Variants in KIF6 observed in about 807,000 individuals in gnomAD.
The protein encoded by KIF6 is kinesin-like protein KIF6.
A neutral mutation model predicts 112.7 loss-of-function variants in KIF6; 106 were observed. The observed-to-expected ratio is 0.94, with a 90% CI of 0.80 to 1.11. The LOEUF is 1.11. Among genes scored for constraint, KIF6 ranks in the 50% least tolerant of loss-of-function variants. KIF6 has a pLI of 0.00. For synonymous variants in KIF6, 339 were observed against 339.9 expected, an observed-to-expected ratio of 1.00 and a Z score of 0.03; for missense variants, 929 against 964.0, an observed-to-expected ratio of 0.96 and a Z score of 0.48.
chr6:39,651,016 G>A (rs1454080083), intron 3 of KIF6, among the ~76,000 whole-genome samples: 1 of 151,972 alleles, frequency 6.6e-6, no homozygotes, highest in African/African-American at 2.4e-5. Flanking sequence ...TTAAATATCT[G>A]AGCATGTGCA....
At chr6:39,555,348 T>C (rs550900343) in intron 10 of KIF6, among the ~76,000 whole-genome samples, 13 of 152,170 alleles carry the variant, frequency 8.5e-5, no homozygotes, top group African/African-American at 3.1e-4. Context: ...TATACCCATA[T>C]GGCAGGGGAA....
At chr6:39,468,157 C>T (rs1773905842) in intron 13 of KIF6, among the ~76,000 whole-genome samples, 1 of 151,066 alleles carries the variant, frequency 6.6e-6, no homozygotes, top group Non-Finnish European at 1.5e-5. Context: ...TTAGAGATTA[C>T]ATACTCTGAA....
chr6:39,505,373 G>A (rs116608585), intron 13 of KIF6, among the ~76,000 whole-genome samples: 2,058 of 152,154 alleles, frequency 0.014, 39 homozygotes, highest in African/African-American at 0.046. Flanking sequence ...AGACTTAAAT[G>A]TAAAACCCCA....
intron 13 of KIF6, among the ~76,000 whole-genome samples, chr6:39,516,928 C>G (rs897220716): frequency 6.6e-6 from 1 of 152,114 alleles, no homozygotes; most frequent in African/African-American, 2.4e-5. Flanking sequence ...GACAGTTGTA[C>G]CTGACTTGGA....
intron 13 of KIF6, among the ~76,000 whole-genome samples, chr6:39,510,567 A>G (rs1474568243): frequency 6.6e-6 from 1 of 152,210 alleles, no homozygotes; most frequent in Admixed American, 6.5e-5. Flanking sequence ...GGAAAGGAAC[A>G]ACTGGTACCA....
At chr6:39,381,161 T>A (rs1766897110) in intron 16 of KIF6, among the ~76,000 whole-genome samples, 1 of 152,160 alleles carries the variant, frequency 6.6e-6, no homozygotes, top group Non-Finnish European at 1.5e-5. Context: ...TACTTACACA[T>A]CCAGAGACAT....
intron 3 of KIF6, among the ~76,000 whole-genome samples, chr6:39,693,057 G>A (rs1245141835): frequency 6.6e-6 from 1 of 152,186 alleles, no homozygotes; most frequent in Non-Finnish European, 1.5e-5. Flanking sequence ...GTCACACATG[G>A]AACTGGCGTA....
At chr6:39,524,678 G>C (rs1562286290) in intron 13 of KIF6, among the ~76,000 whole-genome samples, 2 of 152,170 alleles carry the variant, frequency 1.3e-5, no homozygotes, top group African/African-American at 2.4e-5. Context: ...GGACAACTCT[G>C]AAAGGCCTGC....
Position 39,611,206 on chromosome 6 carries a change from G to C in KIF6, c.639+1983C>G, listed in dbSNP as rs529241762. Among the ~76,000 whole-genome samples, 11 of 152,262 alleles carry C rather than the reference G, an allele frequency of 7.2e-5. No individual in the cohort carries two copies. In the South Asian group the frequency reaches 1.9e-3, roughly 26 times the overall value. On this transcript the variant is annotated intron_variant, in intron 6 of 22. Transcript: ENST00000287152. ...GACTGCAGTCCCAGCTACTTGGCAG[G>C]CTGAGGCACAAGAATGGCTTGAACC...
In KIF6 at chr6:39,343,284, T is replaced by C; in HGVS notation, c.2428+425A>G. 6 of 1,290,614 alleles carry C rather than the reference T, an allele frequency of 4.6e-6. No individual in the cohort carries two copies. Among genetic ancestry groups the C allele is most frequent in the Non-Finnish European group, 6.1e-6 (6 of 989,548 alleles). 79.9% of individuals were successfully genotyped at this position (1,290,614 alleles called of 1,614,324 possible). On this transcript the variant is annotated intron_variant, in intron 22 of 22. Coordinates refer to ENST00000287152, the MANE Select transcript of KIF6 (RefSeq NM_145027.6). This position sits in a 1 kb window ranked among gnomAD's most constrained non-coding sequence, Gnocchi z 4.1. ...TTCAAGCAGTGTTTACACTCACAGC[T>C]CTTTGGCAAGAACCACACTCTGATA...
intron 7 of KIF6, among the ~76,000 whole-genome samples, chr6:39,588,811 A>G (rs1366837910): frequency 6.6e-6 from 1 of 152,130 alleles, no homozygotes; most frequent in Non-Finnish European, 1.5e-5. Context: ...TTACCTATAA[A>G]ACTTGCCAAG....
At chr6:39,575,280 T>TC (rs1780880229) in intron 10 of KIF6, among the ~76,000 whole-genome samples, 1 of 151,662 alleles carries the variant, frequency 6.6e-6, no homozygotes, top group Admixed American at 6.5e-5. Context: ...TTTTTCTTTT[T>TC]TTTTTTTTGA....
chr6:39,418,288 C>A (rs967251788), intron 15 of KIF6, among the ~76,000 whole-genome samples: 2 of 152,164 alleles, frequency 1.3e-5, no homozygotes, highest in Admixed American at 6.5e-5. Flanking sequence ...TGCCAGCGAT[C>A]TTCTGGCAGT....
At chr6:39,348,210 A>G (rs1763952837) in intron 19 of KIF6, among the ~76,000 whole-genome samples, 1 of 152,176 alleles carries the variant, frequency 6.6e-6, no homozygotes, top group African/African-American at 2.4e-5. Flanking sequence ...TGGCACAAAA[A>G]TGGCTCATTC....
chr6:39,378,354 ATACCACG>A lies in KIF6; in HGVS notation c.1861+7261_1861+7267del, dbSNP rs372222458. Among the ~76,000 whole-genome samples, 843 of 152,124 alleles carry A rather than the reference ATACCACG, an allele frequency of 5.5e-3. 14 individuals carry two copies. The highest frequency in any genetic ancestry group is 0.019 in the African/African-American group (804 of 41,492). On this transcript the variant is annotated intron_variant, in intron 16 of 22. Transcript: ENST00000287152. The surrounding 1 kb of genome is among the most constrained non-coding windows in gnomAD (Gnocchi z 5.0). ...CATATCCAACATACCACATACACAC[ATACCACG>A]TGCCACATATACATACAATACATAC...
intron 3 of KIF6, among the ~76,000 whole-genome samples, chr6:39,703,302 G>T (rs1561943882): frequency 6.6e-6 from 1 of 151,958 alleles, no homozygotes; most frequent in East Asian, 1.9e-4. Flanking sequence ...GTGTGATAAA[G>T]CAATTTAAGA....
intron 22 of KIF6, among the ~76,000 whole-genome samples, chr6:39,340,782 G>C (rs960260575): frequency 2.0e-5 from 3 of 152,080 alleles, no homozygotes; most frequent in Non-Finnish European, 4.4e-5. Flanking sequence ...TGTTTGGAGA[G>C]AGTTAGATGA....
chr6:39,341,110 A>G (rs1443075057), intron 22 of KIF6, among the ~76,000 whole-genome samples: 3 of 151,906 alleles, frequency 2.0e-5, no homozygotes, highest in African/African-American at 7.3e-5. Flanking sequence ...GCTTCCCTTT[A>G]GCTCCAGCCC....
At chr6:39,573,890 C>A (rs1484184667) in intron 10 of KIF6, among the ~76,000 whole-genome samples, 1 of 152,116 alleles carries the variant, frequency 6.6e-6, no homozygotes, top group Non-Finnish European at 1.5e-5. Flanking sequence ...CATATTTGTG[C>A]CCCACTCAGG....
Sources: allele counts gnomAD v4.1 joint callset (sites outside exome capture counted in the v4.1 genomes callset), GRCh38; gene constraint gnomAD v4.1.1; non-coding constraint Gnocchi (gnomAD v3.1); transcripts MANE v1.5; gene names NCBI Gene and HGNC (gene_info 2026-07-23, HGNC 2026-07-21).